Variants in FBN2 observed in about 807,000 individuals in gnomAD.
FBN2 encodes fibrillin-2.
FBN2 carries 105 observed loss-of-function variants against 355.6 expected under a neutral mutation model. That is an observed-to-expected ratio of 0.30 (90% confidence interval 0.25 to 0.35). The LOEUF (loss-of-function observed/expected upper bound fraction) is 0.35, where lower values mean the gene tolerates loss of function less well. Ranked by LOEUF, FBN2 falls within the 10% of genes least tolerant of loss-of-function variation. The pLI is 1.00. For synonymous variants in FBN2, 1,350 were observed against 1,301.2 expected (o/e 1.04, Z -0.81); for missense variants, 3,280 against 3,758.7 (o/e 0.87, Z 3.33).
intron 5 of FBN2, among the ~76,000 whole-genome samples, chr5:128,471,590 T>G (rs1754861048): frequency 6.6e-6 from 1 of 152,190 alleles, no homozygotes; most frequent in African/African-American, 2.4e-5. Context: ...GCAAATATTA[T>G]GTACCTGTAA....
At chr5:128,481,606 T>C (rs1348259892) in intron 5 of FBN2, among the ~76,000 whole-genome samples, 4 of 152,216 alleles carry the variant, frequency 2.6e-5, no homozygotes, top group African/African-American at 9.6e-5. Context: ...AACATTCTGA[T>C]GCTCAACTAA....
chr5:128,308,257 TC>T (rs1401702310), intron 41 of FBN2, among the ~76,000 whole-genome samples: 2 of 152,104 alleles, frequency 1.3e-5, no homozygotes, highest in Non-Finnish European at 2.9e-5. Flanking sequence ...CCATTTTAAT[TC>T]CCCAAATCAA....
At chr5:128,533,144 T>C (rs1756750061) in intron 2 of FBN2, among the ~76,000 whole-genome samples, 1 of 152,246 alleles carries the variant, frequency 6.6e-6, no homozygotes, top group African/African-American at 2.4e-5. Flanking sequence ...CTCTTACTTC[T>C]TAAAATGTAC....
intron 5 of FBN2, among the ~76,000 whole-genome samples, chr5:128,506,158 A>G (rs1755953520): frequency 6.6e-6 from 1 of 152,202 alleles, no homozygotes; most frequent in African/African-American, 2.4e-5. Flanking sequence ...AATGACATTG[A>G]AAATCACAAT....
At chr5:128,436,423 A>T (rs543227646) in intron 7 of FBN2, among the ~76,000 whole-genome samples, 2 of 152,164 alleles carry the variant, frequency 1.3e-5, no homozygotes, top group Non-Finnish European at 2.9e-5. Flanking sequence ...TTAACTGTTG[A>T]TATATATTCT....
intron 48 of FBN2, among the ~76,000 whole-genome samples, chr5:128,295,891 G>C (rs1212964017): frequency 2.1e-5 from 3 of 141,084 alleles, no homozygotes; most frequent in East Asian, 2.0e-4. Flanking sequence ...GGAGTGGTGA[G>C]AGAGGGCATC....
chr5:128,318,921 C>T lies in FBN2; in HGVS notation c.4552G>A (p.Asp1518Asn), dbSNP rs754137811. 6.2e-6 allele frequency: 10 copies of T among 1,611,848 alleles called. No homozygotes were observed. The highest frequency in any genetic ancestry group is 3.3e-5 in the Admixed American group (2 of 59,960). ...NLPGMFHCIC[D>N]DGYELDRTGG... Reference sequence around the variant, plus strand: ...GTTCTGTCCAATTCATAACCATCATCGCAGATGCAATGAAACATTCCAGGC... The same window carrying T: ...GTTCTGTCCAATTCATAACCATCATTGCAGATGCAATGAAACATTCCAGGC... The change falls in exon 35 of 65, where the codon GAT (aspartate) becomes AAT (asparagine). Residue 1518 changes from aspartate (D) to asparagine (N), a missense_variant. Transcript: ENST00000262464.
At chr5:128,292,760 T>C (rs1749362434) in intron 48 of FBN2, among the ~76,000 whole-genome samples, 2 of 152,164 alleles carry the variant, frequency 1.3e-5, no homozygotes, top group African/African-American at 2.4e-5. Flanking sequence ...TTCTCTTTCT[T>C]TGGTTGATCA....
intron 8 of FBN2, among the ~76,000 whole-genome samples, chr5:128,401,122 T>C (rs1384699484): frequency 1.3e-5 from 2 of 152,214 alleles, no homozygotes; most frequent in Admixed American, 1.3e-4. Flanking sequence ...TCCAAGTCTC[T>C]GGTATGTCTT....
intron 34 of FBN2, among the ~76,000 whole-genome samples, chr5:128,325,215 C>T (rs1450988098): frequency 6.6e-6 from 1 of 152,124 alleles, no homozygotes; most frequent in Non-Finnish European, 1.5e-5. Flanking sequence ...GTGTTAAAGT[C>T]TCCCACTATT....
chr5:128,262,965 G>A (rs1435341470), intron 63 of FBN2, among the ~76,000 whole-genome samples: 2 of 152,176 alleles, frequency 1.3e-5, no homozygotes, highest in East Asian at 1.9e-4. Context: ...CTCTCTGTGC[G>A]ATAGGAAAGC....
At chr5:128,373,093 A>G (rs1173490847) in intron 15 of FBN2, among the ~76,000 whole-genome samples, 1 of 152,222 alleles carries the variant, frequency 6.6e-6, no homozygotes, top group Non-Finnish European at 1.5e-5. Flanking sequence ...GAAAAACTGA[A>G]GGAGGCTTTC....
rs1468030947 is a variant in FBN2 at position 128,359,986 on chromosome 5, T to C, written c.2554+1737A>G. The stretch of plus-strand genomic sequence containing the variant: ...TGTCTCTCACAATAGCACCAGAAAG[T>C]ATTTTCCTAGACAGAGAAACCAGTT... On this transcript the variant is annotated intron_variant, in intron 19 of 64. Coordinates refer to ENST00000262464, the MANE Select transcript of FBN2 (RefSeq NM_001999.4). 3.3e-5 allele frequency among the ~76,000 whole-genome samples: 5 copies of C among 152,248 alleles called. No homozygotes were observed. The South Asian group carries it at 1.0e-3, about 32-fold the overall frequency.
At chr5:128,291,739 G>T in intron 48 of FBN2, 85 bp from the exon 49 acceptor site, 1 of 1,199,292 alleles carries the variant, frequency 8.3e-7, no homozygotes, top group Non-Finnish European at 1.2e-6. Flanking sequence ...CTAGCCAGCT[G>T]ATATTTCAGA....
At chr5:128,471,855 T>A (rs1754869842) in intron 5 of FBN2, among the ~76,000 whole-genome samples, 1 of 152,180 alleles carries the variant, frequency 6.6e-6, no homozygotes, top group Admixed American at 6.5e-5. Context: ...TTTTAGGAGT[T>A]GAGTACTTTT....
At chr5:128,375,735 C>G (rs1286544141) in intron 14 of FBN2, among the ~76,000 whole-genome samples, 1 of 151,950 alleles carries the variant, frequency 6.6e-6, no homozygotes, top group Admixed American at 6.6e-5. Context: ...AGGAAGGAAA[C>G]AAAGAAAAAC....
At chr5:128,490,214 A>G (rs944276605) in intron 5 of FBN2, among the ~76,000 whole-genome samples, 2 of 152,160 alleles carry the variant, frequency 1.3e-5, no homozygotes, top group African/African-American at 4.8e-5. Flanking sequence ...ACAATTTGAG[A>G]TCAGAGCCAT....
Position 128,274,560 on chromosome 5 carries a change from G to A in FBN2, c.7711+7C>T. The A allele has an allele frequency of 6.6e-7, 1 of 1,516,582 alleles. No homozygotes were observed. The highest frequency in any genetic ancestry group is 9.2e-7 in the Non-Finnish European group (1 of 1,091,204). 93.9% of individuals were successfully genotyped at this position (1,516,582 alleles called of 1,614,324 possible). ...TGTAAAATTTCCCATTTGTAACTTT[G>A]TCTTACCGATACAAGCAGTGTGATG... On this transcript the variant is annotated splice_region_variant and intron_variant, in intron 60 of 64. Coordinates refer to ENST00000262464, the MANE Select transcript of FBN2 (RefSeq NM_001999.4).
chr5:128,328,918 T>A, intron 33 of FBN2, 97 bp from the exon 34 acceptor site: 4 of 1,245,086 alleles, frequency 3.2e-6, no homozygotes, highest in Non-Finnish European at 3.5e-6. Flanking sequence ...TGGCTTGACT[T>A]AATGCTCATT....
Sources: allele counts gnomAD v4.1 joint callset (sites outside exome capture counted in the v4.1 genomes callset), GRCh38; gene constraint gnomAD v4.1.1; transcripts MANE v1.5; gene names NCBI Gene and HGNC (gene_info 2026-07-23, HGNC 2026-07-21).